Variants in MBOAT7 observed in about 807,000 individuals in gnomAD.
The protein encoded by MBOAT7 is membrane-bound acylglycerophosphatidylinositol O-acyltransferase MBOAT7.
In MBOAT7, 40 loss-of-function variants were observed where a neutral mutation model predicts 47.4. The observed-to-expected ratio is 0.84, with a 90% CI of 0.66 to 1.10. The LOEUF is 1.10. Among genes scored for constraint, MBOAT7 ranks in the 50% least tolerant of loss-of-function variants. MBOAT7 has a pLI of 0.00. For missense variants in MBOAT7, 680 were observed against 655.6 expected (o/e 1.04, Z -0.41); for synonymous variants, 361 against 292.0 (o/e 1.24, Z -2.41).
chr19:54,179,274 G>A (rs1044979196), intron 6 of MBOAT7: 50 of 391,928 alleles, frequency 1.3e-4, no homozygotes, highest in African/African-American at 9.4e-4. Context: ...TATATTCAGA[G>A]AAGCCGCCAA....
At position 54,180,386 on chromosome 19, in the gene MBOAT7, T is replaced by C. The variant is rs2076229099; in HGVS notation, c.854+387A>G. On this transcript the variant is annotated intron_variant, in intron 6 of 7. Coordinates refer to ENST00000245615, the MANE Select transcript of MBOAT7 (RefSeq NM_024298.5). This position sits in a 1 kb window ranked among gnomAD's most constrained non-coding sequence, Gnocchi z 5.2. ...GTGGCGTTCTGTTGCTAGGGAACCG[T>C]TTCCCTAGCAACAGAGGGTGACCCA... 6.2e-6 allele frequency: 1 copy of C among 162,050 alleles called. No homozygotes were observed. The highest frequency in any genetic ancestry group is 2.4e-5 in the African/African-American group (1 of 41,460). The allele number at this position is 162,050 out of a possible 1,614,324, so 10.0% of individuals were successfully genotyped here.
At chr19:54,176,741 G>A (rs1317560307) in intron 7 of MBOAT7, among the ~76,000 whole-genome samples, 4 of 151,914 alleles carry the variant, frequency 2.6e-5, no homozygotes, top group African/African-American at 9.7e-5. Flanking sequence ...CCTGGCCTCA[G>A]CCCCAGAGCT....
intron 5 of MBOAT7, among the ~76,000 whole-genome samples, chr19:54,182,033 A>G (rs1332325978): frequency 1.8e-4 from 21 of 117,206 alleles, no homozygotes; most frequent in East Asian, 2.8e-4. Flanking sequence ...GAGGGAAGGA[A>G]GGAGGGAAGG....
chr19:54,186,483 G>A (rs542280133), intron 4 of MBOAT7, among the ~76,000 whole-genome samples: 2 of 152,250 alleles, frequency 1.3e-5, no homozygotes, highest in South Asian at 4.1e-4. Context: ...GTTCCCTTTT[G>A]CTCGTCCCAG....
intron 5 of MBOAT7, among the ~76,000 whole-genome samples, chr19:54,182,673 T>TATATATACACACATGCACACAC (rs1368967805): frequency 6.6e-6 from 1 of 151,964 alleles, no homozygotes; most frequent in Non-Finnish European, 1.5e-5. Flanking sequence ...CATACACACA[T>TATATATACACACATGCACACAC]ACATATATAT....
intron 4 of MBOAT7, among the ~76,000 whole-genome samples, chr19:54,185,766 GC>G (rs2076412951): frequency 6.6e-6 from 1 of 151,854 alleles, no homozygotes; most frequent in South Asian, 2.1e-4. Flanking sequence ...CGGGATCTTG[GC>G]TCACTGCAAC....
chr19:54,180,824 G>A lies in MBOAT7; in HGVS notation c.803C>T (p.Ala268Val), dbSNP rs2076242483. Residue 268 changes from alanine to valine, a missense_variant, in exon 6 of 8, where the codon GCC becomes GTC. Coordinates refer to ENST00000245615, the MANE Select transcript of MBOAT7 (RefSeq NM_024298.5). The surrounding 1 kb of genome is among the most constrained non-coding windows in gnomAD (Gnocchi z 5.2). ...GGGGCCGCCTCCGGCCCGGGCTTTGGCGGCCACGGGGTAGGCCCCAAAGCC... is the reference window on the plus strand; with the variant it reads ...GGGGCCGCCTCCGGCCCGGGCTTTGACGGCCACGGGGTAGGCCCCAAAGCC... ...AAGFGAYPVA[A>V]KARAGGGPTL... 3 of 1,568,496 alleles carry A rather than the reference G, an allele frequency of 1.9e-6. No homozygotes were observed. Among genetic ancestry groups the A allele is most frequent in the African/African-American group, 1.3e-5 (1 of 74,292 alleles).
chr19:54,186,870 G>C, intron 4 of MBOAT7: 1 of 442,848 alleles, frequency 2.3e-6, no homozygotes. Flanking sequence ...TTCAAGGACA[G>C]CATGTTGGTA....
intron 4 of MBOAT7, 83 bp from the exon 5 acceptor site, chr19:54,183,763 G>A: frequency 7.3e-7 from 1 of 1,379,250 alleles, no homozygotes. Flanking sequence ...GCTGCCCTCG[G>A]CAGCCAAGGG....
intron 5 of MBOAT7, among the ~76,000 whole-genome samples, chr19:54,181,993 G>GGGAGGGAGGGAAGGAA (rs2076298863): frequency 1.7e-4 from 1 of 5,780 alleles, no homozygotes; most frequent in African/African-American, 9.6e-4. Context: ...GAAGGAAGGA[G>GGGAGGGAGGGAAGGAA]GGAGGGAGGG....
intron 3 of MBOAT7, among the ~76,000 whole-genome samples, chr19:54,187,694 G>C (rs2076468482): frequency 6.6e-6 from 1 of 152,138 alleles, no homozygotes; most frequent in Non-Finnish European, 1.5e-5. Flanking sequence ...AAACACACAG[G>C]GACCAGACGC....
In MBOAT7 at chr19:54,173,725, A is replaced by C; in HGVS notation, c.*319T>G. ...CACATTGTGGATGCAAAGAAAGGGA[A>C]TTTGCCCAAAACCCACTGCCCAGGG... On this transcript the variant is annotated 3_prime_UTR_variant, in exon 8 of 8. Transcript: ENST00000245615. 3.7e-5 allele frequency: 12 copies of C among 325,232 alleles called. No homozygotes were observed. The highest frequency in any genetic ancestry group is 8.4e-4 in the Middle Eastern group (1 of 1,192). The allele number at this position is 325,232 out of a possible 1,614,324, so 20.1% of individuals were successfully genotyped here.
chr19:54,182,290 T>C (rs1229186923), intron 5 of MBOAT7, among the ~76,000 whole-genome samples: 9 of 152,026 alleles, frequency 5.9e-5, no homozygotes, highest in Non-Finnish European at 1.3e-4. Flanking sequence ...ACATGTTGTA[T>C]GATTCCATTT....
At chr19:54,176,870 C>T (rs993693558) in intron 7 of MBOAT7, among the ~76,000 whole-genome samples, 1 of 151,706 alleles carries the variant, frequency 6.6e-6, no homozygotes, top group African/African-American at 2.4e-5. Flanking sequence ...CTGGTCAACA[C>T]AGTGAGACCT....
Position 54,174,044 on chromosome 19 carries a change from T to C in MBOAT7, c.1419A>G (p.Ter473=). Residue 473 remains the stop codon, a stop_retained_variant, in exon 8 of 8, where the codon TAA becomes TAG. Coordinates refer to ENST00000245615, the MANE Select transcript of MBOAT7 (RefSeq NM_024298.5). The stretch of plus-strand genomic sequence containing the variant: ...CTGGCAGAGGGAGCGTCGTGACAGC[T>C]TACTCCTCCCGGAGCTTCTCCGGGG... ...SLAPEKLREE[*] is the part of the protein sequence containing the mutation. 1 of 1,583,416 alleles carries C rather than the reference T, an allele frequency of 6.3e-7. No homozygotes were observed. The highest frequency in any genetic ancestry group is 8.6e-7 in the Non-Finnish European group (1 of 1,168,030).
intron 7 of MBOAT7, among the ~76,000 whole-genome samples, chr19:54,177,180 CTAATAA>C (rs1297950412): frequency 5.3e-4 from 80 of 151,360 alleles, no homozygotes; most frequent in African/African-American, 1.9e-3. Flanking sequence ...AATACTAATA[CTAATAA>C]TAATATCCTT....
chr19:54,187,414 G>A (rs1011315760), intron 3 of MBOAT7, 127 bp from the exon 4 acceptor site: 38 of 1,222,368 alleles, frequency 3.1e-5, no homozygotes, highest in Admixed American at 1.6e-4. Context: ...AACACAGAAG[G>A]GCAGAGAGGA....
intron 5 of MBOAT7, among the ~76,000 whole-genome samples, chr19:54,181,604 T>C (rs1160646751): frequency 1.0e-5 from 1 of 98,428 alleles, no homozygotes; most frequent in Admixed American, 1.5e-4. Context: ...ACTGAGCTAC[T>C]GCATTCCAGC....
chr19:54,182,014 G>A (rs560361030), intron 5 of MBOAT7, among the ~76,000 whole-genome samples: 5 of 143,428 alleles, frequency 3.5e-5, no homozygotes, highest in Admixed American at 3.4e-4. Context: ...AAGGAGGGAA[G>A]GAAGGAGGGA....
Sources: gnomAD v4.1 joint callset for allele counts (sites outside exome capture counted in the v4.1 genomes callset) on GRCh38, gnomAD v4.1.1 for gene constraint, Gnocchi (gnomAD v3.1) non-coding constraint, MANE v1.5 for transcripts, NCBI Gene and HGNC (gene_info 2026-07-23, HGNC 2026-07-21) for gene names.